Variants in SAMD3 observed in about 807,000 individuals in gnomAD.
SAMD3 encodes sterile alpha motif domain containing 3.
Under a neutral mutation model 58.5 loss-of-function variants are expected in SAMD3, and 63 were observed. That is an observed-to-expected ratio of 1.08 (90% CI 0.88 to 1.33). The LOEUF (loss-of-function observed/expected upper bound fraction) is 1.33, where lower values mean the gene tolerates loss of function less well. Ranked by LOEUF, SAMD3 falls within the 40% of genes most tolerant of loss-of-function variation. SAMD3 has a pLI of 0.00. For synonymous variants in SAMD3, 220 were observed against 210.3 expected (o/e 1.05, Z -0.40); for missense variants, 604 against 608.4 (o/e 0.99, Z 0.08).
Position 130,145,415 on chromosome 6 carries a change from C to T in SAMD3, c.1203G>A (p.Lys401=). The T allele has an allele frequency of 6.2e-7, 1 of 1,609,578 alleles. No homozygotes were observed. The change falls in exon 11 of 12, where the codon AAG becomes AAA. Residue 401 remains lysine (K), a synonymous_variant. Transcript: ENST00000439090. Reference sequence around the variant, plus strand: ...GGAGGAGTAAACATGTGGCTGTCATCTTCATGTCTGTCAAAGCAAATATGT... The same window carrying T: ...GGAGGAGTAAACATGTGGCTGTCATTTTCATGTCTGTCAAAGCAAATATGT... ...YTDEDMLKYM[K]MTATCLLLPD...
In SAMD3 at chr6:130,287,555, T is replaced by C. The variant is rs1775200833; in HGVS notation, c.-188+25423A>G. On this transcript the variant is annotated intron_variant, in intron 2 of 13. Transcript: ENST00000368134. The stretch of plus-strand genomic sequence containing the variant: ...TTTATCTTTTTTAACCTGATAGCCT[T>C]GGACTTGTTTAAAATCCAATGAGAG... 2.6e-5 allele frequency among the ~76,000 whole-genome samples: 4 copies of C among 152,170 alleles called. No homozygotes were observed. In the South Asian group the frequency reaches 8.3e-4, roughly 32 times the overall value.
intron 1 of SAMD3, among the ~76,000 whole-genome samples, chr6:130,324,049 TATAAC>T (rs1359221210): frequency 6.6e-6 from 1 of 152,164 alleles, no homozygotes; most frequent in African/African-American, 2.4e-5. Flanking sequence ...ACTTTTTTTT[TATAAC>T]ATATCAATCT....
At chr6:130,168,625 T>C (rs1450241905) in intron 8 of SAMD3, among the ~76,000 whole-genome samples, 1 of 152,202 alleles carries the variant, frequency 6.6e-6, no homozygotes. Flanking sequence ...ACTCACTTTC[T>C]TGCCTTTGAG....
At position 130,144,676 on chromosome 6, in the gene SAMD3, T is replaced by C. The variant is rs752905759; in HGVS notation, c.1407A>G (p.Leu469=). 1 of 1,614,152 alleles carries C rather than the reference T, an allele frequency of 6.2e-7. No homozygotes were observed. The highest frequency in any genetic ancestry group is 1.1e-5 in the South Asian group (1 of 91,080). ...VDDCVTALAA[L]VAAFHVFRIE... ...TCCTAAATACATGAAAGGCAGCTAC[T>C]AGCGCAGCCAAGGCTGTAACACAGT... Residue 469 remains leucine (L), a synonymous_variant, in exon 12 of 12, where the codon CTA becomes CTG. Transcript: ENST00000439090.
chr6:130,322,927 G>A (rs1296819341), intron 1 of SAMD3, among the ~76,000 whole-genome samples: 2 of 152,136 alleles, frequency 1.3e-5, no homozygotes, highest in Non-Finnish European at 2.9e-5. Flanking sequence ...TGACTCTCAA[G>A]CCACTAGTTT....
At chr6:130,314,145 A>C (rs772731231) in intron 1 of SAMD3, among the ~76,000 whole-genome samples, 9 of 152,164 alleles carry the variant, frequency 5.9e-5, no homozygotes, top group Admixed American at 2.0e-4. Flanking sequence ...TGTACACTGG[A>C]GAGGTGTTAT....
chr6:130,164,131 G>C (rs1325775619), intron 8 of SAMD3, among the ~76,000 whole-genome samples: 1 of 148,880 alleles, frequency 6.7e-6, no homozygotes, highest in Non-Finnish European at 1.5e-5. Context: ...TAAAGAAATT[G>C]CCATGTTGTT....
At chr6:130,189,094 TAAAAAAACCAAAAAAAA>T (rs1309385824) in intron 5 of SAMD3, among the ~76,000 whole-genome samples, 4 of 94,790 alleles carry the variant, frequency 4.2e-5, no homozygotes, top group African/African-American at 7.9e-5. Flanking sequence ...TCACAATCTT[TAAAAAAACCAAAAAAAA>T]AAAAAAACCA....
intron 1 of SAMD3, among the ~76,000 whole-genome samples, chr6:130,340,116 C>T (rs1272431800): frequency 6.6e-6 from 1 of 152,118 alleles, no homozygotes; most frequent in Non-Finnish European, 1.5e-5. Context: ...AATATGTGTT[C>T]AATAATATTG....
At chr6:130,258,530 A>G (rs961428221) in intron 2 of SAMD3, among the ~76,000 whole-genome samples, 2 of 152,210 alleles carry the variant, frequency 1.3e-5, no homozygotes, top group South Asian at 4.1e-4. Context: ...ACATATTTAA[A>G]GTGCACAATT....
intron 1 of SAMD3, among the ~76,000 whole-genome samples, chr6:130,340,873 C>A (rs570710747): frequency 1.3e-5 from 2 of 152,242 alleles, no homozygotes; most frequent in East Asian, 3.9e-4. Flanking sequence ...GTGCTTCAGT[C>A]TTTTCTTAAA....
chr6:130,146,101 A>G lies in SAMD3; in HGVS notation c.1104T>C (p.Asn368=). ...CCACCACTGAAAAAGAAGTCAGTATATTTTCTGAATAGGATTCCAAAATGT... is the reference window on the plus strand; with the variant it reads ...CCACCACTGAAAAAGAAGTCAGTATGTTTTCTGAATAGGATTCCAAAATGT... The part of the protein sequence containing the change: ...TRHILESYSE[N]ILTSFSVVDN... The change falls in exon 10 of 12, where the codon AAT becomes AAC. Residue 368 remains asparagine, a synonymous_variant. Coordinates refer to ENST00000439090, the MANE Select transcript of SAMD3 (RefSeq NM_001017373.4). 6.2e-7 allele frequency: 1 copy of G among 1,601,778 alleles called. No homozygotes were observed. The highest frequency in any genetic ancestry group is 8.5e-7 in the Non-Finnish European group (1 of 1,173,562).
intron 5 of SAMD3, among the ~76,000 whole-genome samples, chr6:130,200,620 C>T (rs886495752): frequency 6.7e-6 from 1 of 149,508 alleles, no homozygotes; most frequent in African/African-American, 2.5e-5. Flanking sequence ...CAAAATGGTT[C>T]AGTAGTACTA....
At chr6:130,147,213 A>G (rs1379968921) in intron 9 of SAMD3, among the ~76,000 whole-genome samples, 1 of 152,190 alleles carries the variant, frequency 6.6e-6, no homozygotes, top group Non-Finnish European at 1.5e-5. Flanking sequence ...TCCTAAAACT[A>G]TAAAGAACAA....
At chr6:130,222,643 A>G (rs1796268538) in intron 1 of SAMD3, 51 bp downstream of exon 1, 1 of 152,202 alleles carries the variant, frequency 6.6e-6, no homozygotes, top group South Asian at 2.1e-4. Context: ...TTTTATCTTA[A>G]TATCAGAAAA....
chr6:130,263,323 A>C (rs888661574), intron 2 of SAMD3, among the ~76,000 whole-genome samples: 1 of 152,202 alleles, frequency 6.6e-6, no homozygotes, highest in East Asian at 1.9e-4. Flanking sequence ...AAAAACTAAA[A>C]GTCTTTTAGC....
At chr6:130,254,923 T>A (rs1307452172) in intron 2 of SAMD3, among the ~76,000 whole-genome samples, 1 of 152,220 alleles carries the variant, frequency 6.6e-6, no homozygotes, top group East Asian at 1.9e-4. Flanking sequence ...TCTTTTTTGA[T>A]GTAAATAATC....
At chr6:130,275,891 G>A (rs1774758422) in intron 2 of SAMD3, among the ~76,000 whole-genome samples, 2 of 152,028 alleles carry the variant, frequency 1.3e-5, no homozygotes, top group Admixed American at 6.6e-5. Context: ...TAAGTATTGT[G>A]GTAGGCTGGA....
chr6:130,291,669 T>C (rs1322238117), intron 2 of SAMD3, among the ~76,000 whole-genome samples: 1 of 152,264 alleles, frequency 6.6e-6, no homozygotes, highest in Non-Finnish European at 1.5e-5. Flanking sequence ...ATATGTAATG[T>C]TATTTGCTAA....
Sources: gnomAD v4.1 joint callset for allele counts (sites outside exome capture counted in the v4.1 genomes callset) on GRCh38, gnomAD v4.1.1 for gene constraint, MANE v1.5 for transcripts, NCBI Gene and HGNC (gene_info 2026-07-23, HGNC 2026-07-21) for gene names.